The following EIF2D variants were observed in gnomAD, a reference collection of about 807,000 sequenced individuals.
The protein encoded by EIF2D is eukaryotic translation initiation factor 2D, also known as hepatocellular carcinoma-associated antigen 56.
Under a neutral mutation model 77.4 loss-of-function variants are expected in EIF2D, and 56 were observed. The ratio of observed to expected loss-of-function variants is 0.72; its 90% confidence interval spans 0.58 to 0.90. The LOEUF is 0.90. EIF2D is among the 40% of genes least tolerant of loss of function. EIF2D has a pLI of 0.00. For missense variants in EIF2D, 574 were observed against 706.5 expected (o/e 0.81, Z 2.13); for synonymous variants, 230 against 271.0 (o/e 0.85, Z 1.49).
intron 4 of EIF2D, chr1:206,572,755 T>G (rs544737936): frequency 1.1e-4 from 17 of 152,338 alleles, no homozygotes; most frequent in Middle Eastern, 3.4e-3. Context: ...TGTTTTAATA[T>G]AGGATATTGA....
intron 2 of EIF2D, chr1:206,583,350 C>T (rs148841211): frequency 4.3e-6 from 7 of 1,613,280 alleles, no homozygotes; most frequent in South Asian, 1.1e-5. Flanking sequence ...CTACAACACG[C>T]GAGAGAAGAA....
intron 5 of EIF2D, 63 bp downstream of exon 5, chr1:206,605,337 C>T: frequency 7.6e-7 from 1 of 1,309,868 alleles, no homozygotes; most frequent in Non-Finnish European, 1.1e-6. Flanking sequence ...TCCTGAATCA[C>T]AGGCCCCATC....
At chr1:206,609,712 A>G (rs1245828237) in intron 2 of EIF2D, among the ~76,000 whole-genome samples, 4 of 152,220 alleles carry the variant, frequency 2.6e-5, no homozygotes, top group African/African-American at 9.6e-5. Context: ...AGTGGACAAA[A>G]AAGTGAGGGC....
At chr1:206,608,660 C>T (rs1245712743) in intron 3 of EIF2D, among the ~76,000 whole-genome samples, 5 of 152,178 alleles carry the variant, frequency 3.3e-5, no homozygotes, top group African/African-American at 1.2e-4. Flanking sequence ...CATCCAATAG[C>T]AGGACATTTA....
intron 4 of EIF2D, among the ~76,000 whole-genome samples, chr1:206,577,232 C>T (rs1188897560): frequency 6.6e-6 from 1 of 152,124 alleles, no homozygotes; most frequent in Non-Finnish European, 1.5e-5. Context: ...TACTGTCTGA[C>T]CCTTTACAGA....
downstream of EIF2D, chr1:206,588,654 C>G (rs1669230572): frequency 1.3e-5 from 2 of 152,408 alleles, no homozygotes; most frequent in African/African-American, 4.8e-5. Context: ...GGAATGCTGA[C>G]CCCTCGTCGT....
At chr1:206,574,306 C>G (rs542297858) in intron 4 of EIF2D, among the ~76,000 whole-genome samples, 17 of 152,308 alleles carry the variant, frequency 1.1e-4, no homozygotes, top group African/African-American at 3.6e-4. Flanking sequence ...TGTGCCACAG[C>G]GCATCCATCT....
At chr1:206,597,920 G>A (rs2102283535) in intron 11 of EIF2D, among the ~76,000 whole-genome samples, 1 of 152,140 alleles carries the variant, frequency 6.6e-6, no homozygotes, top group South Asian at 2.1e-4. Flanking sequence ...ACTCCAGCCT[G>A]GGCAACAAGA....
chr1:206,602,968 T>C lies in EIF2D; in HGVS notation c.767A>G (p.Asp256Gly), dbSNP rs781861484. Residue 256 changes from aspartate (D) to glycine (G), a missense_variant, in exon 6 of 15, where the codon GAT (aspartate) becomes GGT (glycine). Transcript: ENST00000271764. ...STRGLNQDST[D>G]SKTLQEQMDE... The stretch of plus-strand genomic sequence containing the variant: ...AGTTATACCTTGAAGCGTTTTGCTA[T>C]CTGTGGAGTCTTGGTTCAGGCCCCT... 2 of 1,614,162 alleles carry C rather than the reference T, an allele frequency of 1.2e-6. No homozygotes were observed. Among genetic ancestry groups the C allele is most frequent in the South Asian group, 1.1e-5 (1 of 91,086 alleles).
chr1:206,583,500 C>G, intron 2 of EIF2D: 1 of 693,388 alleles, frequency 1.4e-6, no homozygotes. Flanking sequence ...TTTCCTCCGG[C>G]CTCCAGAGGC....
At chr1:206,603,374 G>T in intron 5 of EIF2D, 170 bp from the exon 6 acceptor site, 1 of 831,258 alleles carries the variant, frequency 1.2e-6, no homozygotes, top group Non-Finnish European at 1.8e-6. Flanking sequence ...TCAATTCTGG[G>T]CCCCTAAAAG....
At chr1:206,601,658 C>A (rs1572400961) in intron 7 of EIF2D, 1 of 152,142 alleles carries the variant, frequency 6.6e-6, no homozygotes, top group South Asian at 2.1e-4. Context: ...TTACTGAATG[C>A]TTATTATGGT....
Position 206,599,787 on chromosome 1 carries a change from T to G in EIF2D, c.998A>C (p.Lys333Thr). 1.2e-6 allele frequency: 2 copies of G among 1,614,108 alleles called. No homozygotes were observed. Among genetic ancestry groups the G allele is most frequent in the South Asian group, 2.2e-5 (2 of 91,080 alleles). The change falls in exon 9 of 15, where the codon AAG becomes ACG. Residue 333 changes from lysine (K) to threonine (T), a missense_variant. Coordinates refer to ENST00000271764, the MANE Select transcript of EIF2D (RefSeq NM_006893.3). This position sits in a 1 kb window ranked among gnomAD's most constrained non-coding sequence, Gnocchi z 4.1. ...GCTCTCCACCCCTTTGCTCAGCTCC[T>G]TCACCTGTATAATCTGCTCCTGCTG... ...QMQQEQIIQV[K>T]ELSKGVESIV... is the part of the protein sequence containing the mutation.
chr1:206,607,974 AAAAATAAAAT>A (rs138378401), intron 4 of EIF2D, among the ~76,000 whole-genome samples: 32 of 151,686 alleles, frequency 2.1e-4, no homozygotes, highest in South Asian at 6.2e-4. Context: ...TGTAAATCTA[AAAAATAAAAT>A]AAAATAAAAT....
chr1:206,576,236 G>A (rs1485779196), intron 4 of EIF2D, among the ~76,000 whole-genome samples: 3 of 152,340 alleles, frequency 2.0e-5, no homozygotes, highest in East Asian at 3.9e-4. Context: ...TTGCAGTATG[G>A]ATTTAACATT....
Position 206,584,698 on chromosome 1 carries a change from T to C in EIF2D, c.139-3536A>G, listed in dbSNP as rs1318842628. On this transcript the variant is annotated intron_variant and NMD_transcript_variant, in intron 2 of 5. Transcript: ENST00000472709. The surrounding 1 kb of genome is among the most constrained non-coding windows in gnomAD (Gnocchi z 4.9). ...AGGACGGACAAGGTAGGAGAAAGAG[T>C]GAACCCAACCAGACCGTTCCCTTCC... The C allele has an allele frequency of 4.3e-6, 7 of 1,613,638 alleles. No homozygotes were observed. Among genetic ancestry groups the C allele is most frequent in the African/African-American group, 1.3e-5 (1 of 74,784 alleles).
At chr1:206,609,199 C>T (rs1314392070) in intron 3 of EIF2D, among the ~76,000 whole-genome samples, 177 bp downstream of exon 3, 2 of 152,172 alleles carry the variant, frequency 1.3e-5, no homozygotes, top group Non-Finnish European at 2.9e-5. Context: ...TACAACAGGG[C>T]CAGAGGGGCC....
At chr1:206,576,433 G>A (rs1052619694) in intron 4 of EIF2D, among the ~76,000 whole-genome samples, 7 of 152,218 alleles carry the variant, frequency 4.6e-5, no homozygotes, top group African/African-American at 1.7e-4. Context: ...ATGGAGTAAA[G>A]TGAGCAAAAT....
At position 206,605,405 on chromosome 1, in the gene EIF2D, G is replaced by A. The variant is rs1553412448; in HGVS notation, c.525C>T (p.His175=). Residue 175 remains histidine, a synonymous_variant, in exon 5 of 15, where the codon CAC becomes CAT. Coordinates refer to ENST00000271764, the MANE Select transcript of EIF2D (RefSeq NM_006893.3). ...GFSVLHTYQD[H]LWRSGNKSSP... is the part of the protein sequence containing the mutation. Reference sequence around the variant, plus strand: ...AGAAGAAACTCTGTACCCACCACAAGTGGTCCTGGTAAGTGTGGAGCACAG... The same window carrying A: ...AGAAGAAACTCTGTACCCACCACAAATGGTCCTGGTAAGTGTGGAGCACAG... 1 of 1,613,662 alleles carries A rather than the reference G, an allele frequency of 6.2e-7. No homozygotes were observed. The highest frequency in any genetic ancestry group is 8.5e-7 in the Non-Finnish European group (1 of 1,179,690).
Sources: allele counts gnomAD v4.1 joint callset (sites outside exome capture counted in the v4.1 genomes callset), GRCh38; gene constraint gnomAD v4.1.1; non-coding constraint Gnocchi (gnomAD v3.1); transcripts MANE v1.5; gene names NCBI Gene and HGNC (gene_info 2026-07-23, HGNC 2026-07-21).